The following ALG13 variants were observed in gnomAD, a reference collection of about 807,000 sequenced individuals.
ALG13 encodes the protein ALG13 UDP-N-acetylglucosaminyltransferase subunit.
Under a neutral mutation model 87.8 loss-of-function variants are expected in ALG13, and 11 were observed. The ratio of observed to expected loss-of-function variants is 0.13; its 90% CI spans 0.08 to 0.21. The LOEUF (loss-of-function observed/expected upper bound fraction) is 0.21, where lower values mean the gene tolerates loss of function less well. Ranked by LOEUF, ALG13 falls within the 10% of genes least tolerant of loss-of-function variation. The probability of loss-of-function intolerance (pLI) is 1.00; values close to 1 mark genes in which losing one functional copy is unlikely to be tolerated. For synonymous variants in ALG13, 320 were observed against 306.3 expected (o/e 1.04, Z -0.47); for missense variants, 756 against 866.1 (o/e 0.87, Z 1.60).
Position 111,727,501 on chromosome X carries a change from C to G in ALG13, c.2090+56C>G. 3 of 1,098,484 alleles carry G rather than the reference C, an allele frequency of 2.7e-6. No individual in the cohort carries two copies. In the Admixed American group the frequency reaches 7.4e-5, roughly 27 times the overall value. The allele number at this position is 1,098,484 out of a possible 1,213,427, so 90.5% of individuals were successfully genotyped here. On this transcript the variant is annotated intron_variant, in intron 17 of 26. Coordinates refer to ENST00000394780, the MANE Select transcript of ALG13 (RefSeq NM_001099922.3). ...TGGTAAGTCTGATTTCATTGCTGAA[C>G]ATTAATGTTTTAAAAAGTGTCAACT...
Position 111,712,536 on chromosome X carries a change from T to TTA in ALG13, c.932+10_932+11dup. Reference sequence around the variant, plus strand: ...GCTCTTTCTCTAATTTATAAGTAAGTTATATCCTCTTTTCTTTGAGAGTGG... The same window carrying TTA: ...GCTCTTTCTCTAATTTATAAGTAAGTTATATATCCTCTTTTCTTTGAGAGTGG... On this transcript the variant is annotated splice_region_variant and intron_variant, in intron 7 of 26. Coordinates refer to ENST00000394780, the MANE Select transcript of ALG13 (RefSeq NM_001099922.3). 1 of 1,129,014 alleles carries TTA rather than the reference T, an allele frequency of 8.9e-7. No individual in the cohort carries two copies. The allele number at this position is 1,129,014 out of a possible 1,213,427, so 93.0% of individuals were successfully genotyped here. A position where few individuals can be genotyped will look rare whatever the true frequency, so the allele number is the denominator to read the frequency against.
chrX:111,740,346 T>C (rs1943635423), intron 23 of ALG13, among the ~76,000 whole-genome samples: 1 of 111,112 alleles, frequency 9.0e-6, no homozygotes, highest in Non-Finnish European at 1.9e-5. Flanking sequence ...GGAAAAAAGG[T>C]AATGCAGATG....
At chrX:111,688,600 A>T (rs1935556209) in intron 3 of ALG13, 1 of 745,748 alleles carries the variant, frequency 1.3e-6, no homozygotes, top group Admixed American at 8.9e-5. Flanking sequence ...GTGATAAAAT[A>T]ATCGTGCCTA....
chrX:111,696,982 CTTTTTT>C (rs55888261), intron 3 of ALG13, among the ~76,000 whole-genome samples: 1 of 74,151 alleles, frequency 1.3e-5, no homozygotes, highest in African/African-American at 5.4e-5. Context: ...TGGTTCTTAC[CTTTTTT>C]TTTTTTTTTT....
intron 25 of ALG13, 76 bp from the exon 26 acceptor site, chrX:111,757,510 GTC>G: frequency 1.7e-5 from 7 of 407,222 alleles, no homozygotes; most frequent in Non-Finnish European, 2.4e-5. Context: ...TTTTTTTTTT[GTC>G]TGTGGGGAAC....
intron 15 of ALG13, 136 bp downstream of exon 15, chrX:111,725,197 A>T: frequency 6.7e-6 from 5 of 743,590 alleles, no homozygotes; most frequent in Non-Finnish European, 9.6e-6. Flanking sequence ...CATTACTGAT[A>T]ATGGAATGGA....
chrX:111,701,347 T>G (rs757796843), intron 3 of ALG13, among the ~76,000 whole-genome samples: 1 of 111,935 alleles, frequency 8.9e-6, no homozygotes, highest in Admixed American at 9.5e-5. Flanking sequence ...TGGACTTTGG[T>G]GGGAGACTTT....
chrX:111,757,834 C>T, intron 26 of ALG13, 72 bp downstream of exon 26: 1 of 1,003,374 alleles, frequency 1.0e-6, no homozygotes. Context: ...TAATAGCTTT[C>T]ATATATTTCA....
Position 111,690,181 on chromosome X carries a change from GA to G in ALG13, c.383+5081del, listed in dbSNP as rs2147786783. On this transcript the variant is annotated intron_variant, in intron 3 of 26. Coordinates refer to ENST00000394780, the MANE Select transcript of ALG13 (RefSeq NM_001099922.3). The stretch of plus-strand genomic sequence containing the variant: ...AAGAATGGTAACCAAAAGTCTGTTT[GA>G]AATGTTTGCTCTATTTGTTTGGTTT... 10 of 751,659 alleles carry G rather than the reference GA, an allele frequency of 1.3e-5. No individual in the cohort carries two copies. The South Asian group carries it at 5.4e-4, about 41-fold the overall frequency. 61.9% of individuals were successfully genotyped at this position (751,659 alleles called of 1,213,427 possible). A position where few individuals can be genotyped will look rare whatever the true frequency, so the allele number is the denominator to read the frequency against.
intron 10 of ALG13, among the ~76,000 whole-genome samples, chrX:111,719,443 C>T (rs577162700): frequency 3.6e-4 from 41 of 112,332 alleles, no homozygotes; most frequent in African/African-American, 1.3e-3. Context: ...ACGGAAACTA[C>T]AGTAGTCGGA....
chrX:111,687,874 T>C, intron 3 of ALG13: 1 of 1,142,339 alleles, frequency 8.8e-7, no homozygotes. Context: ...ATATTTTTCT[T>C]CTTTTGTTTT....
chrX:111,730,666 T>TA, intron 21 of ALG13, 86 bp downstream of exon 21: 1 of 716,556 alleles, frequency 1.4e-6, no homozygotes, highest in African/African-American at 2.2e-5. Flanking sequence ...TGTATTTAAA[T>TA]CAGAACAACC....
intron 23 of ALG13, among the ~76,000 whole-genome samples, chrX:111,741,151 A>T (rs1943702219): frequency 8.9e-6 from 1 of 112,025 alleles, no homozygotes; most frequent in Non-Finnish European, 1.9e-5. Context: ...ATAAAGAATA[A>T]CATGTTGGAT....
intron 21 of ALG13, 33 bp from the exon 22 acceptor site, chrX:111,735,018 G>GT (rs760432827): frequency 2.6e-4 from 250 of 943,962 alleles, no homozygotes; most frequent in Non-Finnish European, 3.1e-4. Flanking sequence ...TGTGTTGTTT[G>GT]TTTTTTTATT....
intron 22 of ALG13, 105 bp downstream of exon 22, chrX:111,735,227 TC>T (rs1943121729): frequency 1.9e-6 from 1 of 515,624 alleles, no homozygotes; most frequent in African/African-American, 2.4e-5. Flanking sequence ...CTGCTTTTGT[TC>T]CTTTAGGTAT....
intron 3 of ALG13, among the ~76,000 whole-genome samples, chrX:111,691,006 T>C (rs1203837909): frequency 9.0e-6 from 1 of 111,535 alleles, no homozygotes. Context: ...GACAGATCAT[T>C]TGAAATTAAT....
intron 15 of ALG13, 38 bp downstream of exon 15, chrX:111,725,099 C>T (rs1941829751): frequency 8.4e-7 from 1 of 1,193,871 alleles, no homozygotes; most frequent in Admixed American, 2.2e-5. Flanking sequence ...TTTTTCCCTT[C>T]CTGTACCTGC....
intron 21 of ALG13, among the ~76,000 whole-genome samples, chrX:111,731,892 G>A (rs1229318486): frequency 2.7e-5 from 3 of 111,904 alleles, no homozygotes; most frequent in Non-Finnish European, 1.9e-5. Flanking sequence ...CCATTTTGTT[G>A]AAGTGCAAGG....
intron 7 of ALG13, 64 bp downstream of exon 7, chrX:111,712,594 C>T (rs745443854): frequency 1.4e-4 from 92 of 667,160 alleles, no homozygotes; most frequent in Non-Finnish European, 1.9e-4. Context: ...AAGATCTCAA[C>T]GGTCTCTTCA....
Sources: allele counts gnomAD v4.1 joint callset (sites outside exome capture counted in the v4.1 genomes callset), GRCh38; gene constraint gnomAD v4.1.1; transcripts MANE v1.5; gene names NCBI Gene and HGNC (gene_info 2026-07-23, HGNC 2026-07-21).